The following TPRG1 variants were observed in gnomAD, a reference collection of about 807,000 sequenced individuals.
TPRG1 encodes tumor protein p63-regulated gene 1 protein.
A neutral mutation model predicts 29.3 loss-of-function variants in TPRG1; 29 were observed. The ratio of observed to expected loss-of-function variants is 0.99; its 90% CI spans 0.74 to 1.35. TPRG1 has a LOEUF of 1.35. Ranked by LOEUF, TPRG1 falls within the 40% of genes most tolerant of loss-of-function variation. The probability of loss-of-function intolerance (pLI) is 0.00; values close to 1 mark genes in which losing one functional copy is unlikely to be tolerated. For synonymous variants in TPRG1, 130 were observed against 116.8 expected (o/e 1.11, Z -0.73); for missense variants, 327 against 335.0 (o/e 0.98, Z 0.19).
At chr3:189,233,879 T>C (rs1739052259) in intron 3 of TPRG1, among the ~76,000 whole-genome samples, 1 of 152,010 alleles carries the variant, frequency 6.6e-6, no homozygotes, top group South Asian at 2.1e-4. Context: ...GATTGATTGA[T>C]TGATTGAAGG....
intron 4 of TPRG1, among the ~76,000 whole-genome samples, chr3:189,050,371 C>T (rs1715238802): frequency 6.6e-6 from 1 of 152,116 alleles, no homozygotes; most frequent in Non-Finnish European, 1.5e-5. Context: ...ATACAACCTT[C>T]CTAGCTTAAA....
intron 5 of TPRG1, among the ~76,000 whole-genome samples, chr3:189,163,654 A>C (rs7623415): frequency 0.55 from 83,047 of 152,024 alleles, 25,529 homozygotes; most frequent in African/African-American, 0.84. Flanking sequence ...AGTTAAAATT[A>C]AAGATATGAC....
chr3:189,308,441 A>G (rs1721952472), intron 4 of TPRG1, among the ~76,000 whole-genome samples: 1 of 152,216 alleles, frequency 6.6e-6, no homozygotes, highest in South Asian at 2.1e-4. Context: ...CGTCTTTCAT[A>G]GCACTGTGAT....
intron 2 of TPRG1, among the ~76,000 whole-genome samples, chr3:189,129,632 G>T (rs1722885665): frequency 6.6e-6 from 1 of 152,090 alleles, no homozygotes. Flanking sequence ...TGTTGTAATG[G>T]TCATTTTCTA....
chr3:189,248,241 A>G (rs969168688), intron 4 of TPRG1, among the ~76,000 whole-genome samples: 3 of 151,760 alleles, frequency 2.0e-5, no homozygotes, highest in African/African-American at 7.2e-5. Flanking sequence ...TTTATGTCTT[A>G]TTAGAAGATC....
At chr3:189,284,071 G>C (rs1458100279) in intron 4 of TPRG1, among the ~76,000 whole-genome samples, 1 of 152,168 alleles carries the variant, frequency 6.6e-6, no homozygotes, top group Non-Finnish European at 1.5e-5. Context: ...ACAAGGACAT[G>C]TATCCTCTGT....
intron 5 of TPRG1, among the ~76,000 whole-genome samples, chr3:189,160,548 T>C (rs962382579): frequency 2.6e-5 from 4 of 152,222 alleles, no homozygotes; most frequent in Non-Finnish European, 4.4e-5. Context: ...AGAAAGATTA[T>C]GTTTACCTTG....
rs201352899 is a variant in TPRG1, at chr3:189,032,950, C to G, written c.-463+9004C>G. Among the ~76,000 whole-genome samples the G allele has an allele frequency of 1.6e-4, 24 of 152,154 alleles. No individual in the cohort carries two copies. In the South Asian group the frequency reaches 2.3e-3, roughly 15 times the overall value. ...ACTCATCATTTTTTATGGCTGCATA[C>G]TATTCCATGGTGTATATGTGCCACA... is the stretch of plus-strand genomic sequence containing the variant. On this transcript the variant is annotated intron_variant, in intron 4 of 10. Coordinates refer to the TPRG1 transcript ENST00000433971.
chr3:189,117,212 G>A (rs1221283100), intron 1 of TPRG1, among the ~76,000 whole-genome samples: 2 of 152,206 alleles, frequency 1.3e-5, no homozygotes, highest in African/African-American at 4.8e-5. Flanking sequence ...AAGAGGAAAA[G>A]AAGGTAAGCA....
intron 4 of TPRG1, among the ~76,000 whole-genome samples, chr3:189,307,609 A>G (rs1192657210): frequency 6.6e-6 from 1 of 152,200 alleles, no homozygotes; most frequent in Non-Finnish European, 1.5e-5. Context: ...AGCTTTGAAT[A>G]TATTTTGTAG....
chr3:189,239,133 C>G (rs1421416879), intron 4 of TPRG1, among the ~76,000 whole-genome samples: 1 of 152,160 alleles, frequency 6.6e-6, no homozygotes, highest in Non-Finnish European at 1.5e-5. Context: ...CTCATAAAGA[C>G]ATACCCCAAA....
At chr3:189,070,792 C>A (rs1272491543) in intron 4 of TPRG1, among the ~76,000 whole-genome samples, 1 of 151,450 alleles carries the variant, frequency 6.6e-6, no homozygotes, top group Non-Finnish European at 1.5e-5. Context: ...TTAGTAGGAG[C>A]AAAGGCAATT....
intron 3 of TPRG1, among the ~76,000 whole-genome samples, chr3:189,135,500 G>A (rs768063314): frequency 8.6e-5 from 13 of 152,040 alleles, no homozygotes; most frequent in Non-Finnish European, 1.5e-4. Flanking sequence ...AGTCTTCTTC[G>A]ACATTTAGCA....
intron 4 of TPRG1, among the ~76,000 whole-genome samples, chr3:189,296,218 A>G (rs149972611): frequency 1.3e-5 from 2 of 152,342 alleles, no homozygotes; most frequent in Non-Finnish European, 2.9e-5. Context: ...ATCAGGTGCC[A>G]AAGATGGAAT....
At chr3:189,052,025 A>C (rs1005213717) in intron 4 of TPRG1, among the ~76,000 whole-genome samples, 33 of 152,348 alleles carry the variant, frequency 2.2e-4, no homozygotes, top group African/African-American at 7.9e-4. Flanking sequence ...TCTTCTAGAC[A>C]TTGCTTTAGG....
intron 3 of TPRG1, chr3:189,219,691 A>G (rs139600502): frequency 7.8e-6 from 10 of 1,277,044 alleles, no homozygotes; most frequent in East Asian, 5.6e-5. Context: ...TTTGTCTACA[A>G]TGGTTAAAGA....
intron 1 of TPRG1, among the ~76,000 whole-genome samples, chr3:189,125,033 C>T (rs946413150): frequency 6.6e-6 from 1 of 152,212 alleles, no homozygotes; most frequent in African/African-American, 2.4e-5. Context: ...TTTTAGGTCT[C>T]TCTTCGCTCT....
chr3:189,157,813 T>A (rs142338436), intron 5 of TPRG1, among the ~76,000 whole-genome samples: 5 of 152,126 alleles, frequency 3.3e-5, no homozygotes, highest in Non-Finnish European at 7.4e-5. Context: ...GTAGGACCCA[T>A]GTGACAGGAG....
intron 3 of TPRG1, among the ~76,000 whole-genome samples, chr3:189,222,483 C>A (rs1044382479): frequency 3.3e-5 from 5 of 152,242 alleles, no homozygotes; most frequent in Admixed American, 2.6e-4. Flanking sequence ...CTAGTCTAGA[C>A]CCCTGGTACT....
Sources: allele counts gnomAD v4.1 joint callset (sites outside exome capture counted in the v4.1 genomes callset), GRCh38; gene constraint gnomAD v4.1.1; transcripts MANE v1.5; gene names NCBI Gene and HGNC (gene_info 2026-07-23, HGNC 2026-07-21).